RARB: variants seen among roughly 807,000 people sequenced by gnomAD.
RARB encodes the protein HBV-activated protein.
RARB carries 17 observed loss-of-function variants against 51.9 expected under a neutral mutation model. The observed-to-expected ratio is 0.33, with a 90% CI of 0.22 to 0.49. RARB has a LOEUF of 0.49. RARB is among the 20% of genes least tolerant of loss of function. The pLI is 0.99. For missense variants in RARB, 369 were observed against 550.8 expected, an observed-to-expected ratio of 0.67 and a Z score of 3.30; for synonymous variants, 215 against 195.4, an observed-to-expected ratio of 1.10 and a Z score of -0.84.
At chr3:25,203,357 G>C (rs1285989933) in intron 5 of RARB, among the ~76,000 whole-genome samples, 1 of 152,126 alleles carries the variant, frequency 6.6e-6, no homozygotes, top group Non-Finnish European at 1.5e-5. Context: ...CTGAATACAG[G>C]ACACTGACAG....
intron 5 of RARB, among the ~76,000 whole-genome samples, chr3:25,331,370 C>G (rs766633638): frequency 1.1e-4 from 17 of 152,172 alleles, no homozygotes; most frequent in Non-Finnish European, 2.4e-4. Flanking sequence ...GATTAAGAAA[C>G]TCACTCAGAA....
chr3:25,365,102 T>G (rs936393303), intron 5 of RARB, among the ~76,000 whole-genome samples: 1 of 151,836 alleles, frequency 6.6e-6, no homozygotes, highest in African/African-American at 2.4e-5. Context: ...AATGTGGCAG[T>G]ACAGAAAATG....
chr3:25,105,741 G>T (rs1699487098), intron 3 of RARB, among the ~76,000 whole-genome samples: 1 of 152,016 alleles, frequency 6.6e-6, no homozygotes, highest in Non-Finnish European at 1.5e-5. Flanking sequence ...CCATAGCCTG[G>T]CCAGTCTAAA....
intron 5 of RARB, among the ~76,000 whole-genome samples, chr3:25,188,960 A>C (rs933569929): frequency 6.6e-6 from 1 of 152,188 alleles, no homozygotes; most frequent in Admixed American, 6.6e-5. Flanking sequence ...AATGCATCCT[A>C]TGATATAGAT....
chr3:25,498,084 G>C (rs1259852095), intron 2 of RARB, among the ~76,000 whole-genome samples: 1 of 152,112 alleles, frequency 6.6e-6, no homozygotes, highest in African/African-American at 2.4e-5. Flanking sequence ...TCTGATTATT[G>C]TATTATTTGC....
intron 5 of RARB, among the ~76,000 whole-genome samples, chr3:25,340,921 T>G (rs537912081): frequency 2.6e-5 from 4 of 152,318 alleles, no homozygotes; most frequent in Admixed American, 2.6e-4. Flanking sequence ...TACAGAATCA[T>G]TCTCATTAAT....
chr3:25,526,581 G>C (rs1423216028), intron 3 of RARB, among the ~76,000 whole-genome samples: 1 of 152,122 alleles, frequency 6.6e-6, no homozygotes, highest in Admixed American at 6.5e-5. Flanking sequence ...GAAGTGAATG[G>C]ATTTTGATAA....
At chr3:25,013,208 G>A (rs1697434404) in intron 2 of RARB, among the ~76,000 whole-genome samples, 1 of 152,074 alleles carries the variant, frequency 6.6e-6, no homozygotes, top group Admixed American at 6.6e-5. Context: ...TCAACTCAAA[G>A]TTAAAGATGA....
At chr3:25,289,478 G>A (rs567420164) in intron 5 of RARB, among the ~76,000 whole-genome samples, 34 of 152,252 alleles carry the variant, frequency 2.2e-4, no homozygotes, top group African/African-American at 7.9e-4. Context: ...TGTATATGTT[G>A]TCTGACAAAA....
chr3:25,257,841 C>G (rs377095440), intron 5 of RARB, among the ~76,000 whole-genome samples: 1 of 152,194 alleles, frequency 6.6e-6, no homozygotes, highest in Admixed American at 6.6e-5. Context: ...TTAAAACACC[C>G]CAAATACCAT....
intron 5 of RARB, among the ~76,000 whole-genome samples, chr3:25,201,314 C>A (rs1307695634): frequency 6.6e-6 from 1 of 152,174 alleles, no homozygotes; most frequent in Non-Finnish European, 1.5e-5. Flanking sequence ...TGCTTATCAG[C>A]TTAAGGCGAT....
At chr3:25,327,372 C>T (rs941037852) in intron 5 of RARB, among the ~76,000 whole-genome samples, 17 of 151,192 alleles carry the variant, frequency 1.1e-4, no homozygotes, top group African/African-American at 3.9e-4. Flanking sequence ...AATAATAGAT[C>T]CAAAAAAGGA....
intron 1 of RARB, among the ~76,000 whole-genome samples, chr3:24,835,569 T>C (rs1416192593): frequency 6.6e-6 from 1 of 152,192 alleles, no homozygotes; most frequent in African/African-American, 2.4e-5. Context: ...GCTAATATTA[T>C]AGGGTAAAGA....
At chr3:25,029,503 G>A (rs1374215842) in intron 2 of RARB, among the ~76,000 whole-genome samples, 1 of 152,186 alleles carries the variant, frequency 6.6e-6, no homozygotes, top group East Asian at 1.9e-4. Flanking sequence ...GTATTTCCCA[G>A]TTTCATTTAT....
At chr3:25,320,379 A>G (rs1663329425) in intron 5 of RARB, among the ~76,000 whole-genome samples, 1 of 152,152 alleles carries the variant, frequency 6.6e-6, no homozygotes, top group Admixed American at 6.5e-5. Context: ...CCAGCTTCAG[A>G]TTGAAACTCT....
At chr3:25,383,556 T>C (rs1478928793) in intron 5 of RARB, among the ~76,000 whole-genome samples, 1 of 152,242 alleles carries the variant, frequency 6.6e-6, no homozygotes, top group Non-Finnish European at 1.5e-5. Context: ...TGTATGATGA[T>C]GCAAATGTTC....
chr3:25,329,685 A>G (rs973188277), intron 5 of RARB, among the ~76,000 whole-genome samples: 12 of 152,200 alleles, frequency 7.9e-5, no homozygotes, highest in African/African-American at 2.7e-4. Context: ...AGAGAAGAAG[A>G]CTTCAGACGA....
chr3:25,003,205 A>C (rs375284121), intron 2 of RARB, among the ~76,000 whole-genome samples: 7 of 152,072 alleles, frequency 4.6e-5, no homozygotes, highest in Admixed American at 2.6e-4. Flanking sequence ...AAAAAAAAAA[A>C]AAAACTGCTT....
intron 5 of RARB, among the ~76,000 whole-genome samples, chr3:25,273,260 A>G (rs9821277): frequency 0.019 from 2,907 of 152,302 alleles, 67 homozygotes; most frequent in African/African-American, 0.058. Flanking sequence ...AACTGGCCTC[A>G]GCTATCGTGC....
Sources: gnomAD v4.1 joint callset for allele counts (sites outside exome capture counted in the v4.1 genomes callset) on GRCh38, gnomAD v4.1.1 for gene constraint, MANE v1.5 for transcripts, NCBI Gene and HGNC (gene_info 2026-07-23, HGNC 2026-07-21) for gene names.